KCNAB1: variants seen among roughly 807,000 people sequenced by gnomAD.
KCNAB1 encodes the protein potassium voltage-gated channel subfamily A regulatory beta subunit 1.
A neutral mutation model predicts 64.6 loss-of-function variants in KCNAB1; 35 were observed. That is an observed-to-expected ratio of 0.54 (90% CI 0.41 to 0.72). KCNAB1 has a LOEUF of 0.72. Ranked by LOEUF, KCNAB1 falls within the 30% of genes least tolerant of loss-of-function variation. The pLI, the probability that KCNAB1 is intolerant of heterozygous loss-of-function variation, is 0.00. For missense variants in KCNAB1, 401 were observed against 512.9 expected (o/e 0.78, Z 2.11); for synonymous variants, 177 against 183.8 (o/e 0.96, Z 0.30).
At chr3:156,459,996 T>C (rs1712777003) in intron 5 of KCNAB1, 125 bp downstream of exon 5, 1 of 611,276 alleles carries the variant, frequency 1.6e-6, no homozygotes, top group Non-Finnish European at 2.8e-6. Context: ...TTTAAAGCAA[T>C]GATTTATAGT....
intron 1 of KCNAB1, among the ~76,000 whole-genome samples, chr3:156,167,535 G>A (rs905859157): frequency 3.9e-5 from 6 of 152,114 alleles, no homozygotes; most frequent in Non-Finnish European, 8.8e-5. Context: ...CAAACCCCAA[G>A]GGTGTTTTGT....
chr3:156,133,339 T>C (rs1194639195), intron 1 of KCNAB1, among the ~76,000 whole-genome samples: 2 of 152,238 alleles, frequency 1.3e-5, no homozygotes, highest in Admixed American at 1.3e-4. Context: ...TTCCAGATGG[T>C]CATTTATCCA....
At chr3:156,356,528 C>A (rs1725257485) in intron 1 of KCNAB1, among the ~76,000 whole-genome samples, 1 of 152,136 alleles carries the variant, frequency 6.6e-6, no homozygotes, top group Non-Finnish European at 1.5e-5. Context: ...ACCAATTAAA[C>A]CCACGTGCTC....
chr3:156,130,939 T>G (rs1713959175), intron 1 of KCNAB1, among the ~76,000 whole-genome samples: 1 of 152,234 alleles, frequency 6.6e-6, no homozygotes. Context: ...ACAGAAACTG[T>G]TTCCATCGAA....
At chr3:156,400,292 C>T (rs918943543) in intron 1 of KCNAB1, among the ~76,000 whole-genome samples, 44 of 152,186 alleles carry the variant, frequency 2.9e-4, no homozygotes, top group African/African-American at 9.9e-4. Context: ...AACCCTGCAG[C>T]CTGCAAAGAT....
At position 156,358,778 on chromosome 3, in the gene KCNAB1, C is replaced by T. The variant is rs115786129; in HGVS notation, c.276-62838C>T. Among the ~76,000 whole-genome samples, 1,082 of 152,134 alleles carry T rather than the reference C, an allele frequency of 7.1e-3. 9 individuals carry two copies. Among genetic ancestry groups the T allele is most frequent in the African/African-American group, 0.025 (1,034 of 41,496 alleles). On this transcript the variant is annotated intron_variant, in intron 1 of 13. Coordinates refer to ENST00000490337, the MANE Select transcript of KCNAB1 (RefSeq NM_172160.3). Reference sequence around the variant, plus strand: ...TGCCAGAAAACACAGCTCACTTTCCCTATCAGTGAAACATGGTTTTGATGA... The same window carrying T: ...TGCCAGAAAACACAGCTCACTTTCCTTATCAGTGAAACATGGTTTTGATGA...
intron 1 of KCNAB1, among the ~76,000 whole-genome samples, chr3:156,393,462 C>G (rs753035650): frequency 5.3e-5 from 8 of 152,088 alleles, no homozygotes; most frequent in Non-Finnish European, 1.0e-4. Context: ...TTCTGTATAC[C>G]CTTCTCTTAC....
At chr3:156,146,892 A>G (rs568982929) in intron 1 of KCNAB1, among the ~76,000 whole-genome samples, 1 of 152,234 alleles carries the variant, frequency 6.6e-6, no homozygotes, top group East Asian at 1.9e-4. Context: ...TAGTTTGCTG[A>G]CCCCTGGTTT....
chr3:156,147,192 G>A (rs1715089219), intron 1 of KCNAB1, among the ~76,000 whole-genome samples: 1 of 152,082 alleles, frequency 6.6e-6, no homozygotes, highest in East Asian at 1.9e-4. Context: ...TTGTGAAGAG[G>A]GAAACTGAGC....
At chr3:156,158,658 G>A (rs1287584482) in intron 1 of KCNAB1, among the ~76,000 whole-genome samples, 1 of 152,170 alleles carries the variant, frequency 6.6e-6, no homozygotes, top group East Asian at 1.9e-4. Flanking sequence ...CAAACAATGT[G>A]TACAGGACTC....
At chr3:156,385,125 A>G (rs1712488834) in intron 1 of KCNAB1, among the ~76,000 whole-genome samples, 2 of 152,196 alleles carry the variant, frequency 1.3e-5, no homozygotes, top group Non-Finnish European at 2.9e-5. Context: ...TTTCCTGCCA[A>G]TGCCAAAGTG....
intron 2 of KCNAB1, among the ~76,000 whole-genome samples, chr3:156,438,925 A>G (rs528685863): frequency 5.9e-5 from 9 of 152,282 alleles, no homozygotes; most frequent in Admixed American, 2.6e-4. Flanking sequence ...GAGGCAGGAG[A>G]ATCGCTTGAA....
chr3:156,179,428 A>ACCC (rs1560123122), intron 1 of KCNAB1, among the ~76,000 whole-genome samples: 182 of 91,354 alleles, frequency 2.0e-3, no homozygotes, highest in Middle Eastern at 5.3e-3. Flanking sequence ...CCCCCCCCCC[A>ACCC]CCCCCTCACC....
intron 1 of KCNAB1, among the ~76,000 whole-genome samples, chr3:156,340,251 T>A (rs1407971459): frequency 6.6e-6 from 1 of 152,042 alleles, no homozygotes; most frequent in African/African-American, 2.4e-5. Flanking sequence ...CAATGGAAAA[T>A]GACTTCTAGA....
At chr3:156,463,448 A>G (rs768810924) in intron 5 of KCNAB1, among the ~76,000 whole-genome samples, 10 of 151,910 alleles carry the variant, frequency 6.6e-5, no homozygotes, top group Non-Finnish European at 1.5e-4. Flanking sequence ...ACTTGTTATC[A>G]CTGCCCTCCA....
rs1186365543 is a variant in KCNAB1 at position 156,536,713 on chromosome 3, A to C, written c.1226A>C (p.Asn409Thr). ...VVNEIDNILR[N>T]KPYSKKDYRS ...AATGAGATTGATAACATACTGCGCA[A>C]CAAGCCCTACAGCAAGAAGGACTAT... Residue 409 changes from asparagine (N) to threonine (T), a missense_variant, in exon 14 of 14, where the codon AAC (asparagine) becomes ACC (threonine). By Grantham distance (65) the Asn-to-Thr change is moderately conservative. Coordinates refer to ENST00000490337, the MANE Select transcript of KCNAB1 (RefSeq NM_172160.3). The C allele has an allele frequency of 1.9e-6, 3 of 1,613,064 alleles. No homozygotes were observed. Among genetic ancestry groups the C allele is most frequent in the African/African-American group, 2.7e-5 (2 of 74,940 alleles).
Position 156,366,677 on chromosome 3 carries a change from G to A in KCNAB1, c.276-54939G>A, listed in dbSNP as rs116783685. Among the ~76,000 whole-genome samples, 1,294 of 152,302 alleles carry A rather than the reference G, an allele frequency of 8.5e-3. 20 individuals carry two copies. Among genetic ancestry groups the A allele is most frequent in the African/African-American group, 0.03 (1,238 of 41,564 alleles). On this transcript the variant is annotated intron_variant, in intron 1 of 13. Coordinates refer to ENST00000490337, the MANE Select transcript of KCNAB1 (RefSeq NM_172160.3). ...CCTTTAAGACAAGGATAATTCTCCA[G>A]CCTGCAGCAAAGACTGCTGCATCAC... is the stretch of plus-strand genomic sequence containing the variant.
intron 1 of KCNAB1, among the ~76,000 whole-genome samples, chr3:156,348,282 G>T (rs1331532427): frequency 3.3e-5 from 5 of 152,204 alleles, no homozygotes; most frequent in African/African-American, 9.6e-5. Context: ...CAAAGGCCAT[G>T]AGTTGGGAAA....
intron 2 of KCNAB1, among the ~76,000 whole-genome samples, chr3:156,430,798 T>A (rs937475923): frequency 2.6e-5 from 4 of 152,164 alleles, no homozygotes; most frequent in African/African-American, 9.6e-5. Context: ...GAAATGAGAA[T>A]GGCTGCACCA....
Sources: gnomAD v4.1 joint callset for allele counts (sites outside exome capture counted in the v4.1 genomes callset) on GRCh38, gnomAD v4.1.1 for gene constraint, MANE v1.5 for transcripts, NCBI Gene and HGNC (gene_info 2026-07-23, HGNC 2026-07-21) for gene names.